ERRFI1: variants seen among roughly 807,000 people sequenced by gnomAD.
ERRFI1 encodes ERBB receptor feedback inhibitor 1, also known as mitogen-inducible gene 6 protein.
ERRFI1 carries 12 observed loss-of-function variants against 14.6 expected under a neutral mutation model. The observed-to-expected ratio is 0.82, with a 90% CI of 0.53 to 1.33. ERRFI1 has a LOEUF of 1.33. Ranked by LOEUF, ERRFI1 falls within the 40% of genes most tolerant of loss-of-function variation. ERRFI1 has a pLI of 0.00. For missense variants in ERRFI1, 482 were observed against 572.1 expected (o/e 0.84, Z 1.61); for synonymous variants, 202 against 209.9 (o/e 0.96, Z 0.32).
chr1:8,015,436 C>G, intron 2 of ERRFI1, 52 bp from the exon 3 acceptor site: 1 of 1,614,068 alleles, frequency 6.2e-7, no homozygotes, highest in Non-Finnish European at 8.5e-7. Context: ...ATCACAGCCT[C>G]TCCCATTTTA....
chr1:8,026,135 C>G (rs943483911), intron 1 of ERRFI1, 23 bp downstream of exon 1: 3 of 151,782 alleles, frequency 2.0e-5, no homozygotes, highest in African/African-American at 7.3e-5. Context: ...CTCCCCACCC[C>G]CTCAGCGCGC....
At chr1:8,025,619 G>A (rs939196697) in intron 1 of ERRFI1, among the ~76,000 whole-genome samples, 4 of 152,116 alleles carry the variant, frequency 2.6e-5, no homozygotes, top group South Asian at 2.1e-4. Flanking sequence ...GGATTTACGG[G>A]TACACGGTGT....
chr1:8,013,605 T>G lies in ERRFI1; in HGVS notation c.994A>C (p.Thr332Pro), dbSNP rs1188829271. The G allele has an allele frequency of 6.2e-7, 1 of 1,613,952 alleles. No individual in the cohort carries two copies. The highest frequency in any genetic ancestry group is 2.2e-5 in the East Asian group (1 of 44,882). ...GACGGAAGGCTTTTGGGACTCGGTG[T>G]GCGCGAGTTACTCGGTGACAAAGGT... ...REPLSPSNSR[T>P]PSPKSLPSYL... Residue 332 changes from threonine to proline, a missense_variant, in exon 4 of 4, where the codon ACA becomes CCA. Physicochemically the swap from Thr to Pro is conservative, Grantham distance 38 (BLOSUM62 -1). Transcript: ENST00000377482. The surrounding 1 kb of genome is among the most constrained non-coding windows in gnomAD (Gnocchi z 4.3).
At chr1:8,022,238 T>C (rs928401369) in intron 1 of ERRFI1, among the ~76,000 whole-genome samples, 3 of 152,316 alleles carry the variant, frequency 2.0e-5, no homozygotes, top group Non-Finnish European at 4.4e-5. Flanking sequence ...TACAACATGG[T>C]TATTTCATAT....
At position 8,011,953 on chromosome 1, in the gene ERRFI1, A is replaced by C. The variant is rs537789252; in HGVS notation, c.*1257T>G. ...ACTGTAAACAGCTTGTTTAACTGTT[A>C]AGAGAACATTGCAGTAATGTACCTC... On this transcript the variant is annotated 3_prime_UTR_variant, in exon 4 of 4. Transcript: ENST00000377482. 3.5e-5 allele frequency: 8 copies of C among 228,286 alleles called. No homozygotes were observed. The East Asian group carries it at 5.0e-4, about 14-fold the overall frequency. The allele number at this position is 228,286 out of a possible 1,614,324, so 14.1% of individuals were successfully genotyped here. A position where few individuals can be genotyped will look rare whatever the true frequency, so the allele number is the denominator to read the frequency against.
In ERRFI1 at chr1:8,012,344, A is replaced by C. The variant is rs976727195; in HGVS notation, c.*866T>G. ...GCTAATTGCTTCATTATTTTGTAAA[A>C]CTGACATCCTAACACTGGCACCTAG... On this transcript the variant is annotated 3_prime_UTR_variant, in exon 4 of 4. Transcript: ENST00000377482. 5 of 230,880 alleles carry C rather than the reference A, an allele frequency of 2.2e-5. No homozygotes were observed. Among genetic ancestry groups the C allele is most frequent in the Middle Eastern group, 1.3e-3 (1 of 772 alleles). 14.3% of individuals were successfully genotyped at this position (230,880 alleles called of 1,614,324 possible).
rs1252268158 is a variant in ERRFI1, at chr1:8,013,792, T to A, written c.807A>T (p.Ile269=). The stretch of plus-strand genomic sequence containing the variant: ...CATCGGAGTTAGGAGAAGCTCTGTG[T>A]ATACAACAGTTGGATATCCTTATGG... ...KPAIRISNCC[I]HRASPNSDED... is the part of the protein sequence containing the mutation. The change falls in exon 4 of 4, where the codon ATA becomes ATT. Residue 269 remains isoleucine (I), a synonymous_variant. Transcript: ENST00000377482. The surrounding 1 kb of genome is among the most constrained non-coding windows in gnomAD (Gnocchi z 4.3). 2 of 1,614,168 alleles carry A rather than the reference T, an allele frequency of 1.2e-6. No individual in the cohort carries two copies. Among genetic ancestry groups the A allele is most frequent in the South Asian group, 2.2e-5 (2 of 91,072 alleles).
At chr1:8,020,044 T>C (rs189175207) in intron 1 of ERRFI1, among the ~76,000 whole-genome samples, 173 of 150,152 alleles carry the variant, frequency 1.2e-3, no homozygotes, top group Non-Finnish European at 2.2e-3. Flanking sequence ...CATATGCCTT[T>C]AGCTTGAGGA....
Position 8,012,618 on chromosome 1 carries a change from A to T in ERRFI1, c.*592T>A, listed in dbSNP as rs1014864284. 1.8e-5 allele frequency: 4 copies of T among 227,894 alleles called. No individual in the cohort carries two copies. The South Asian group carries it at 5.5e-4, about 31-fold the overall frequency. The allele number at this position is 227,894 out of a possible 1,614,324, so 14.1% of individuals were successfully genotyped here. ...AGTATGAGGCCTTGGTATGATTTTT[A>T]ACCTAAGCAGGTACACCCATGGTAA... On this transcript the variant is annotated 3_prime_UTR_variant, in exon 4 of 4. Transcript: ENST00000377482.
chr1:8,024,367 GCATTT>G (rs1310248748), intron 1 of ERRFI1, among the ~76,000 whole-genome samples: 1 of 152,030 alleles, frequency 6.6e-6, no homozygotes, highest in Non-Finnish European at 1.5e-5. Flanking sequence ...AATAATTCAG[GCATTT>G]CATAACAGCC....
In ERRFI1 at chr1:8,013,499, T is replaced by C. The variant is rs777464238; in HGVS notation, c.1100A>G (p.Gln367Arg). ...KYVSSKALQR[Q>R]NSEGSASKVP... ...CTTACTGGCAGATCCTTCGCTGTTC[T>C]GTCTTTGCAGTGCTTTGCTGCTGAC... Residue 367 changes from glutamine to arginine, a missense_variant, in exon 4 of 4, where the codon CAG (glutamine) becomes CGG (arginine). Transcript: ENST00000377482. The surrounding 1 kb of genome is among the most constrained non-coding windows in gnomAD (Gnocchi z 4.3). 1.9e-5 allele frequency: 31 copies of C among 1,614,238 alleles called. No individual in the cohort carries two copies. The highest frequency in any genetic ancestry group is 2.6e-5 in the Non-Finnish European group (31 of 1,180,040).
intron 1 of ERRFI1, among the ~76,000 whole-genome samples, chr1:8,024,303 C>T (rs1641314513): frequency 6.6e-6 from 1 of 152,150 alleles, no homozygotes; most frequent in African/African-American, 2.4e-5. Flanking sequence ...ATATTGTGAA[C>T]TGCAAGTAGG....
rs187393022 is a variant in ERRFI1, at chr1:8,012,575, C to T, written c.*635G>A. On this transcript the variant is annotated 3_prime_UTR_variant, in exon 4 of 4. Transcript: ENST00000377482. ...ACCTGCTCTCCCTCCCTCAACAAGA[C>T]GCAACATGAAACCTGGAAGTATGAG... The T allele has an allele frequency of 5.6e-4, 125 of 224,922 alleles. 1 individual carries two copies. In the Middle Eastern group the frequency reaches 0.014, roughly 25 times the overall value. The allele number at this position is 224,922 out of a possible 1,614,324, so 13.9% of individuals were successfully genotyped here. A position where few individuals can be genotyped will look rare whatever the true frequency, so the allele number is the denominator to read the frequency against.
chr1:8,012,535 T>C lies in ERRFI1; in HGVS notation c.*675A>G, dbSNP rs1232860475. ...GATGTGTGACAGGTACAGGTGACAA[T>C]ATGGTTGCCAAGTAACCTGCTCTCC... On this transcript the variant is annotated 3_prime_UTR_variant, in exon 4 of 4. Coordinates refer to ENST00000377482, the MANE Select transcript of ERRFI1 (RefSeq NM_018948.4). The C allele has an allele frequency of 4.4e-6, 1 of 225,592 alleles. No homozygotes were observed. Among genetic ancestry groups the C allele is most frequent in the Non-Finnish European group, 8.8e-6 (1 of 113,078 alleles). 14.0% of individuals were successfully genotyped at this position (225,592 alleles called of 1,614,324 possible).
chr1:8,015,421 G>A (rs1207815449), intron 2 of ERRFI1, 37 bp from the exon 3 acceptor site: 2 of 1,614,072 alleles, frequency 1.2e-6, no homozygotes, highest in Admixed American at 3.3e-5. Context: ...CATAAGCGAA[G>A]AGCAATCACA....
chr1:8,026,133 C>T (rs1338077663), intron 1 of ERRFI1, 25 bp downstream of exon 1: 1 of 151,828 alleles, frequency 6.6e-6, no homozygotes. Flanking sequence ...CCCTCCCCAC[C>T]CCCTCAGCGC....
At chr1:8,017,139 G>T (rs935405127) in intron 1 of ERRFI1, among the ~76,000 whole-genome samples, 1 of 147,142 alleles carries the variant, frequency 6.8e-6, no homozygotes, top group Non-Finnish European at 1.5e-5. Context: ...TAAGGCACAG[G>T]GTTTTTTTTT....
Position 8,013,296 on chromosome 1 carries a change from C to T in ERRFI1, c.1303G>A (p.Ala435Thr), listed in dbSNP as rs570995662. ...PLPADCGISS[A>T]TEKPDSKTKM... ...GTTTTTGAGTCTGGCTTTTCTGTGGCTGAAGATATACCGCAGTCAGCAGGT... is the reference window on the plus strand; with the variant it reads ...GTTTTTGAGTCTGGCTTTTCTGTGGTTGAAGATATACCGCAGTCAGCAGGT... The change falls in exon 4 of 4, where the codon GCC becomes ACC. Residue 435 changes from alanine (A) to threonine (T), a missense_variant. Coordinates refer to ENST00000377482, the MANE Select transcript of ERRFI1 (RefSeq NM_018948.4). This position sits in a 1 kb window ranked among gnomAD's most constrained non-coding sequence, Gnocchi z 4.3. The T allele has an allele frequency of 6.2e-7, 1 of 1,614,072 alleles. No homozygotes were observed. Among genetic ancestry groups the T allele is most frequent in the African/African-American group, 1.3e-5 (1 of 74,932 alleles).
At chr1:8,025,750 C>T (rs1016646367) in intron 1 of ERRFI1, among the ~76,000 whole-genome samples, 52 of 152,214 alleles carry the variant, frequency 3.4e-4, no homozygotes, top group African/African-American at 1.2e-3. Context: ...CGAGGACCTT[C>T]ATGCTCGCCG....
Sources: gnomAD v4.1 joint callset for allele counts (sites outside exome capture counted in the v4.1 genomes callset) on GRCh38, gnomAD v4.1.1 for gene constraint, Gnocchi (gnomAD v3.1) non-coding constraint, MANE v1.5 for transcripts, NCBI Gene and HGNC (gene_info 2026-07-23, HGNC 2026-07-21) for gene names.